AVEN: variants seen among roughly 807,000 people sequenced by gnomAD.
AVEN encodes the protein apoptosis and caspase activation inhibitor, also known as cell death regulator Aven.
Under a neutral mutation model 38.1 loss-of-function variants are expected in AVEN, and 41 were observed. That is an observed-to-expected ratio of 1.08 (90% CI 0.84 to 1.40). The LOEUF is 1.40. AVEN is among the 40% of genes most tolerant of loss of function. The pLI, the probability that AVEN is intolerant of heterozygous loss-of-function variation, is 0.00. For missense variants in AVEN, 605 were observed against 438.8 expected, an observed-to-expected ratio of 1.38 and a Z score of -3.38; for synonymous variants, 206 against 171.8, an observed-to-expected ratio of 1.20 and a Z score of -1.56.
chr15:34,039,213 G>C, upstream of AVEN: 1 of 471,430 alleles, frequency 2.1e-6, no homozygotes, highest in Non-Finnish European at 2.8e-6. Context: ...GCGGAGCGGG[G>C]CGGGGCGGGG....
chr15:33,895,288 T>G (rs970406733), intron 2 of AVEN, among the ~76,000 whole-genome samples: 2 of 40,254 alleles, frequency 5.0e-5, no homozygotes, highest in African/African-American at 3.2e-5. Flanking sequence ...GAGATACTTT[T>G]TGAACAACTC....
intron 2 of AVEN, among the ~76,000 whole-genome samples, chr15:33,944,485 G>A (rs1055221157): frequency 2.6e-5 from 4 of 152,234 alleles, no homozygotes; most frequent in Admixed American, 6.5e-5. Flanking sequence ...CAATACCTGC[G>A]TGTGGAATGG....
chr15:34,037,124 A>T (rs77183077), intron 1 of AVEN, among the ~76,000 whole-genome samples: 78,798 of 150,646 alleles, frequency 0.52, 22,415 homozygotes, highest in Non-Finnish European at 0.65. Context: ...AAAAAAAAAA[A>T]ATATATACCA....
At chr15:33,997,113 T>C (rs1013202528) in intron 2 of AVEN, among the ~76,000 whole-genome samples, 1 of 152,124 alleles carries the variant, frequency 6.6e-6, no homozygotes, top group Non-Finnish European at 1.5e-5. Context: ...CTAGAAAATA[T>C]AGGAGAACAT....
intron 3 of AVEN, among the ~76,000 whole-genome samples, chr15:33,875,474 C>G (rs1055145239): frequency 6.6e-6 from 1 of 151,852 alleles, no homozygotes; most frequent in African/African-American, 2.4e-5. Flanking sequence ...TAATATTTGC[C>G]CTTATTTTAT....
At chr15:33,962,801 T>A (rs1895239003) in intron 2 of AVEN, among the ~76,000 whole-genome samples, 2 of 152,034 alleles carry the variant, frequency 1.3e-5, no homozygotes, top group South Asian at 4.2e-4. Context: ...ATACATGTAG[T>A]CACAGCTACT....
In AVEN at chr15:34,019,439, A is replaced by T. The variant is rs182138220; in HGVS notation, c.268-16230T>A. Among the ~76,000 whole-genome samples, 61 of 152,314 alleles carry T rather than the reference A, an allele frequency of 4.0e-4. No individual in the cohort carries two copies. In the East Asian group the frequency reaches 8.9e-3, roughly 22 times the overall value. On this transcript the variant is annotated intron_variant, in intron 1 of 5. Coordinates refer to ENST00000306730, the MANE Select transcript of AVEN (RefSeq NM_020371.3). The stretch of plus-strand genomic sequence containing the variant: ...TACAGTAAACTAGGGCTAATTATTT[A>T]AAAAAAGCATAAGTTTAGTGTAGCC...
At chr15:33,938,856 C>CG (rs978166562) in intron 2 of AVEN, among the ~76,000 whole-genome samples, 1 of 151,818 alleles carries the variant, frequency 6.6e-6, no homozygotes, top group Non-Finnish European at 1.5e-5. Flanking sequence ...GGGGGATTGG[C>CG]GGGGGGCAGA....
intron 5 of AVEN, among the ~76,000 whole-genome samples, chr15:34,060,272 T>A (rs933270488): frequency 6.6e-6 from 1 of 151,590 alleles, no homozygotes. Flanking sequence ...AAAAGAGGAG[T>A]CTTCGTGGGT....
the AVEN span, chr15:33,853,560 C>T: frequency 6.2e-7 from 1 of 1,613,494 alleles, no homozygotes; most frequent in Non-Finnish European, 8.5e-7. Flanking sequence ...TTCAGGTGAT[C>T]AACAAGTATG....
chr15:33,941,086 G>A (rs889048788), intron 2 of AVEN, among the ~76,000 whole-genome samples: 1 of 152,088 alleles, frequency 6.6e-6, no homozygotes, highest in African/African-American at 2.4e-5. Context: ...AACATTAAAG[G>A]CTTTGAGAAG....
intron 2 of AVEN, among the ~76,000 whole-genome samples, chr15:34,001,274 G>A (rs570691802): frequency 4.0e-5 from 6 of 151,800 alleles, no homozygotes; most frequent in East Asian, 1.9e-4. Context: ...TACCTGCCTC[G>A]GCCTCCCAAA....
At chr15:34,015,431 G>A (rs559033676) in intron 1 of AVEN, among the ~76,000 whole-genome samples, 7 of 151,934 alleles carry the variant, frequency 4.6e-5, no homozygotes, top group East Asian at 1.9e-4. Flanking sequence ...GCAGTGAGCC[G>A]AGATCGCACC....
At chr15:33,894,808 T>C in intron 2 of AVEN, among the ~76,000 whole-genome samples, 2 of 15,878 alleles carry the variant, frequency 1.3e-4, no homozygotes, top group Non-Finnish European at 2.0e-4. Flanking sequence ...AGACACCATC[T>C]CAAAAAAAAA....
chr15:33,970,852 T>C (rs935041979), intron 2 of AVEN, among the ~76,000 whole-genome samples: 1 of 151,996 alleles, frequency 6.6e-6, no homozygotes, highest in African/African-American at 2.4e-5. Flanking sequence ...ATAACTCACC[T>C]TCTAATGACA....
intron 2 of AVEN, among the ~76,000 whole-genome samples, chr15:33,879,683 CAT>C (rs1891404421): frequency 6.6e-6 from 1 of 152,138 alleles, no homozygotes; most frequent in Non-Finnish European, 1.5e-5. Context: ...CTTTTTCAGA[CAT>C]GTGAAATCCT....
intron 5 of AVEN, among the ~76,000 whole-genome samples, chr15:34,050,556 C>G (rs185918218): frequency 2.0e-5 from 3 of 152,222 alleles, no homozygotes; most frequent in Admixed American, 1.3e-4. Context: ...CACAGAATGA[C>G]AAGCTGGATA....
rs1394478053 is a variant in AVEN at position 33,904,712 on chromosome 15, T to TACACAC, written c.446-28718_446-28717insGTGTGT. ...AAAAAAAAATATATATATATATATA[T>TACACAC]ATATACACACACACACGAATATGCA... On this transcript the variant is annotated intron_variant, in intron 2 of 5. Coordinates refer to ENST00000306730, the MANE Select transcript of AVEN (RefSeq NM_020371.3). Among the ~76,000 whole-genome samples, 144 of 138,204 alleles carry TACACAC rather than the reference T, an allele frequency of 1.0e-3. 1 individual carries two copies. The East Asian group carries it at 0.023, about 22-fold the overall frequency. The allele number at this position is 138,204 out of a possible 152,430, so 90.7% of individuals were successfully genotyped here.
chr15:34,054,587 A>G (rs1269526871), intron 5 of AVEN, among the ~76,000 whole-genome samples: 3 of 152,186 alleles, frequency 2.0e-5, no homozygotes, highest in Non-Finnish European at 4.4e-5. Context: ...CAGAAAACGA[A>G]AACTAAACAC....
Sources: gnomAD v4.1 joint callset for allele counts (sites outside exome capture counted in the v4.1 genomes callset) on GRCh38, gnomAD v4.1.1 for gene constraint, MANE v1.5 for transcripts, NCBI Gene and HGNC (gene_info 2026-07-23, HGNC 2026-07-21) for gene names.